Variants in FUT9 observed in about 807,000 individuals in gnomAD.
FUT9 encodes the protein 4-galactosyl-N-acetylglucosaminide 3-alpha-L-fucosyltransferase 9.
A neutral mutation model predicts 29.7 loss-of-function variants in FUT9; 15 were observed. The observed-to-expected ratio is 0.51, with a 90% CI of 0.34 to 0.78. The LOEUF is 0.78. Ranked by LOEUF, FUT9 falls within the 30% of genes least tolerant of loss-of-function variation. FUT9 has a pLI of 0.01. For missense variants in FUT9, 319 were observed against 425.4 expected (o/e 0.75, Z 2.20); for synonymous variants, 169 against 153.7 (o/e 1.10, Z -0.74).
intron 2 of FUT9, among the ~76,000 whole-genome samples, chr6:96,121,236 C>A (rs889712472): frequency 2.6e-5 from 4 of 152,118 alleles, no homozygotes; most frequent in Admixed American, 2.0e-4. Flanking sequence ...CTTCTTATCC[C>A]TTATAATGAT....
chr6:96,086,006 G>A (rs1382443458), intron 1 of FUT9, among the ~76,000 whole-genome samples: 5 of 152,228 alleles, frequency 3.3e-5, no homozygotes, highest in South Asian at 2.1e-4. Context: ...TAGGACAATT[G>A]TATAATTTAT....
At chr6:96,076,647 A>G (rs4339465) in intron 1 of FUT9, among the ~76,000 whole-genome samples, 103,114 of 152,058 alleles carry the variant, frequency 0.68, 36,649 homozygotes, top group East Asian at 0.84. Flanking sequence ...ATTATTGTCA[A>G]TGTATTATAC....
At chr6:96,144,998 A>G (rs1341340577) in intron 2 of FUT9, among the ~76,000 whole-genome samples, 1 of 152,160 alleles carries the variant, frequency 6.6e-6, no homozygotes, top group Non-Finnish European at 1.5e-5. Flanking sequence ...TCTGTATTAT[A>G]TCATAGCTAT....
chr6:96,125,468 A>G (rs1772117063), intron 2 of FUT9, among the ~76,000 whole-genome samples: 1 of 152,234 alleles, frequency 6.6e-6, no homozygotes, highest in African/African-American at 2.4e-5. Context: ...AATAACTGTT[A>G]GCATTTTAAA....
chr6:96,169,515 C>G (rs1202504475), intron 2 of FUT9, among the ~76,000 whole-genome samples: 1 of 152,034 alleles, frequency 6.6e-6, no homozygotes, highest in Non-Finnish European at 1.5e-5. Flanking sequence ...GGTTTTGTTG[C>G]TAATAGTGTT....
chr6:96,175,718 C>A (rs943923972), intron 2 of FUT9, among the ~76,000 whole-genome samples: 1 of 152,146 alleles, frequency 6.6e-6, no homozygotes, highest in Non-Finnish European at 1.5e-5. Flanking sequence ...TATAAACCAG[C>A]GATTGCAAAC....
rs947248378 is a variant in FUT9, at chr6:96,091,093, C to T, written c.-97-22946C>T. On this transcript the variant is annotated intron_variant, in intron 1 of 2. Coordinates refer to ENST00000302103, the MANE Select transcript of FUT9 (RefSeq NM_006581.4). ...CACCCTGCAGATTACTTTTTAATTG[C>T]AATGGGAAATATGTACACTGACATC... Among the ~76,000 whole-genome samples, 6 of 152,020 alleles carry T rather than the reference C, an allele frequency of 3.9e-5. No homozygotes were observed. In the South Asian group the frequency reaches 1.0e-3, roughly 26 times the overall value.
At chr6:96,102,783 T>G (rs1321317311) in intron 1 of FUT9, among the ~76,000 whole-genome samples, 10 of 152,162 alleles carry the variant, frequency 6.6e-5, no homozygotes, top group South Asian at 2.1e-4. Flanking sequence ...ATGTAGAAAT[T>G]GCGTGTTTTA....
At position 96,212,516 on chromosome 6, in the gene FUT9, C is replaced by T. The variant is rs972606709; in HGVS notation, c.*8281C>T. ...AAACAAAGACTATCATATTTGAGAA[C>T]AAGATTTTACTTAGAAGGGAAAAAA... On this transcript the variant is annotated 3_prime_UTR_variant, in exon 3 of 3. Coordinates refer to ENST00000302103, the MANE Select transcript of FUT9 (RefSeq NM_006581.4). 2.7e-5 allele frequency: 11 copies of T among 406,404 alleles called. No homozygotes were observed. Among genetic ancestry groups the T allele is most frequent in the Non-Finnish European group, 3.6e-5 (8 of 222,072 alleles). 25.2% of individuals were successfully genotyped at this position (406,404 alleles called of 1,614,324 possible). A position where few individuals can be genotyped will look rare whatever the true frequency, so the allele number is the denominator to read the frequency against.
chr6:96,168,687 G>C (rs548800803), intron 2 of FUT9, among the ~76,000 whole-genome samples: 1 of 152,262 alleles, frequency 6.6e-6, no homozygotes, highest in South Asian at 2.1e-4. Context: ...AATTAGTTCA[G>C]AGAGTTTTGC....
intron 1 of FUT9, among the ~76,000 whole-genome samples, chr6:96,098,136 AAT>A (rs1352283814): frequency 6.6e-6 from 1 of 152,106 alleles, no homozygotes; most frequent in African/African-American, 2.4e-5. Flanking sequence ...TTGCAGATTG[AAT>A]AAATGGATGG....
In FUT9 at chr6:96,209,350, C is replaced by G. The variant is rs1773891190; in HGVS notation, c.*5115C>G. 1 of 166,690 alleles carries G rather than the reference C, an allele frequency of 6.0e-6. No individual in the cohort carries two copies. Among genetic ancestry groups the G allele is most frequent in the Non-Finnish European group, 1.5e-5 (1 of 67,998 alleles). The allele number at this position is 166,690 out of a possible 1,614,324, so 10.3% of individuals were successfully genotyped here. Reference sequence around the variant, plus strand: ...ACTAATATGTGGAAAGAACCTAATCCAGAGCTTGGAATATAGAAAGTGCTC... The same window carrying G: ...ACTAATATGTGGAAAGAACCTAATCGAGAGCTTGGAATATAGAAAGTGCTC... On this transcript the variant is annotated 3_prime_UTR_variant, in exon 3 of 3. Transcript: ENST00000302103.
intron 2 of FUT9, among the ~76,000 whole-genome samples, chr6:96,198,025 T>A (rs569760372): frequency 1.3e-5 from 2 of 152,208 alleles, no homozygotes; most frequent in Non-Finnish European, 2.9e-5. Flanking sequence ...TTGATATGTA[T>A]CTGTGGTTGG....
intron 2 of FUT9, among the ~76,000 whole-genome samples, chr6:96,145,248 C>T (rs935595808): frequency 3.3e-5 from 5 of 152,090 alleles, no homozygotes; most frequent in African/African-American, 9.6e-5. Context: ...TTAGTAGAAA[C>T]GGGGTTTCAC....
intron 1 of FUT9, among the ~76,000 whole-genome samples, chr6:96,038,122 G>A (rs9498757): frequency 0.4 from 61,099 of 152,028 alleles, 12,572 homozygotes; most frequent in Non-Finnish European, 0.45. Flanking sequence ...GACAACTTCA[G>A]GTAAAAGAAA....
chr6:96,021,300 A>G (rs1181937955), intron 1 of FUT9, among the ~76,000 whole-genome samples: 1 of 151,602 alleles, frequency 6.6e-6, no homozygotes, highest in Non-Finnish European at 1.5e-5. Context: ...TTTTTTTTGG[A>G]CAATGCAGGA....
chr6:96,156,133 A>G lies in FUT9; in HGVS notation c.-9+42006A>G, dbSNP rs76302191. On this transcript the variant is annotated intron_variant, in intron 2 of 2. Coordinates refer to ENST00000302103, the MANE Select transcript of FUT9 (RefSeq NM_006581.4). ...TTGATGCATTTCTCTTCACCAGTGA[A>G]GTCTAATGCTATAGGAAAGTTTTCA... Among the ~76,000 whole-genome samples, 368 of 152,278 alleles carry G rather than the reference A, an allele frequency of 2.4e-3. 11 individuals are homozygous for G. The East Asian group carries it at 0.065, about 27-fold the overall frequency.
In FUT9 at chr6:96,199,287, G is replaced by A. The variant is rs116640736; in HGVS notation, c.-8-3861G>A. ...TTAGTCATGAGGAATAGGTGAAAAG[G>A]ATTCTGTCAAGGAGATGTCAATTTG... On this transcript the variant is annotated intron_variant, in intron 2 of 2. Coordinates refer to ENST00000302103, the MANE Select transcript of FUT9 (RefSeq NM_006581.4). Among the ~76,000 whole-genome samples, 1,429 of 152,176 alleles carry A rather than the reference G, an allele frequency of 9.4e-3. 22 individuals are homozygous for A. Among genetic ancestry groups the A allele is most frequent in the African/African-American group, 0.033 (1,371 of 41,520 alleles).
At chr6:96,079,828 G>T (rs992378510) in intron 1 of FUT9, among the ~76,000 whole-genome samples, 7 of 152,004 alleles carry the variant, frequency 4.6e-5, no homozygotes, top group African/African-American at 1.7e-4. Flanking sequence ...GCAGGACAAT[G>T]ATGTATTTTA....
Sources: allele counts gnomAD v4.1 joint callset (sites outside exome capture counted in the v4.1 genomes callset), GRCh38; gene constraint gnomAD v4.1.1; transcripts MANE v1.5; gene names NCBI Gene and HGNC (gene_info 2026-07-23, HGNC 2026-07-21).